Variants in ADAMTS6 observed in about 807,000 individuals in gnomAD.
ADAMTS6 encodes the protein A disintegrin and metalloproteinase with thrombospondin motifs 6.
ADAMTS6 carries 23 observed loss-of-function variants against 144.3 expected under a neutral mutation model. The ratio of observed to expected loss-of-function variants is 0.16; its 90% CI spans 0.11 to 0.23. The LOEUF is 0.23. ADAMTS6 is among the 10% of genes least tolerant of loss of function. The pLI, the probability that ADAMTS6 is intolerant of heterozygous loss-of-function variation, is 1.00. For synonymous variants in ADAMTS6, 444 were observed against 457.5 expected, an observed-to-expected ratio of 0.97 and a Z score of 0.38; for missense variants, 999 against 1,379.6, an observed-to-expected ratio of 0.72 and a Z score of 4.37.
intron 11 of ADAMTS6, among the ~76,000 whole-genome samples, chr5:65,281,896 T>C (rs1042728081): frequency 1.3e-5 from 2 of 152,130 alleles, no homozygotes; most frequent in Non-Finnish European, 2.9e-5. Context: ...CCTTTTCTAA[T>C]GTTTTCATTA....
chr5:65,373,486 G>A (rs1301422082), intron 7 of ADAMTS6, among the ~76,000 whole-genome samples: 24 of 150,582 alleles, frequency 1.6e-4, no homozygotes, highest in East Asian at 1.2e-3. Context: ...ACACCTCTAC[G>A]CAAATAAACT....
intron 8 of ADAMTS6, among the ~76,000 whole-genome samples, chr5:65,332,751 C>T (rs1164440035): frequency 1.3e-5 from 2 of 152,064 alleles, no homozygotes; most frequent in Non-Finnish European, 2.9e-5. Flanking sequence ...TGTTAGTTCC[C>T]AGTTCAGAGT....
chr5:65,481,281 A>G (rs1423439674), intron 1 of ADAMTS6, 62 bp downstream of exon 1: 1 of 151,430 alleles, frequency 6.6e-6, no homozygotes, highest in Non-Finnish European at 1.5e-5. Context: ...GAAGACAAGC[A>G]AAGCACAAGT....
At chr5:65,423,979 C>T (rs1045746487) in intron 7 of ADAMTS6, among the ~76,000 whole-genome samples, 1 of 151,668 alleles carries the variant, frequency 6.6e-6, no homozygotes, top group Non-Finnish European at 1.5e-5. Context: ...TTAAATATCA[C>T]GATTAAAAAA....
chr5:65,291,563 C>T, intron 10 of ADAMTS6, 93 bp from the exon 11 acceptor site: 1 of 1,315,732 alleles, frequency 7.6e-7, no homozygotes, highest in Non-Finnish European at 1.0e-6. Flanking sequence ...GTTTTAATAA[C>T]TTGACGCATG....
At chr5:65,283,969 C>A (rs919969741) in intron 11 of ADAMTS6, among the ~76,000 whole-genome samples, 1 of 152,064 alleles carries the variant, frequency 6.6e-6, no homozygotes, top group African/African-American at 2.4e-5. Context: ...GCTACTCAAA[C>A]TCATTTTCTC....
At chr5:65,346,058 T>A (rs985764067) in intron 7 of ADAMTS6, among the ~76,000 whole-genome samples, 6 of 151,852 alleles carry the variant, frequency 4.0e-5, no homozygotes, top group African/African-American at 1.4e-4. Flanking sequence ...AATTTTGACT[T>A]ATCTAAAAAA....
At chr5:65,458,021 G>T (rs554699332) in intron 4 of ADAMTS6, among the ~76,000 whole-genome samples, 154 of 151,654 alleles carry the variant, frequency 1.0e-3, no homozygotes, top group African/African-American at 3.4e-3. Context: ...CACCGTGCCC[G>T]GCCTGAATCC....
intron 7 of ADAMTS6, among the ~76,000 whole-genome samples, chr5:65,373,870 G>A (rs1467358851): frequency 1.3e-5 from 2 of 152,050 alleles, no homozygotes; most frequent in African/African-American, 2.4e-5. Flanking sequence ...TAAAATACTG[G>A]CAAACCGAAT....
chr5:65,284,300 T>C (rs1580291692), intron 11 of ADAMTS6, among the ~76,000 whole-genome samples: 1 of 152,186 alleles, frequency 6.6e-6, no homozygotes, highest in African/African-American at 2.4e-5. Context: ...GCAGTTACCC[T>C]GACATCAAAG....
chr5:65,242,106 C>T lies in ADAMTS6; in HGVS notation c.1931G>A (p.Gly644Glu), dbSNP rs1457071815. 1 of 1,578,414 alleles carries T rather than the reference C, an allele frequency of 6.3e-7. No individual in the cohort carries two copies. Among genetic ancestry groups the T allele is most frequent in the East Asian group, 2.3e-5 (1 of 44,268 alleles). The change falls in exon 15 of 25, where the codon GGA becomes GAA. Residue 644 changes from glycine to glutamate, a missense_variant and splice_region_variant. Physicochemically the swap from Gly to Glu is moderately conservative, Grantham distance 98. Transcript: ENST00000381055. ...TGCTCTGTCAGGTTATACATTACCT[C>T]CAGTATAGGGTTTCCAGTTATAATA... ...GKYYNWKPYT[G>E]GGVKPCALNC...
intron 4 of ADAMTS6, among the ~76,000 whole-genome samples, chr5:65,458,384 T>C (rs1422763836): frequency 6.6e-6 from 1 of 152,128 alleles, no homozygotes; most frequent in Non-Finnish European, 1.5e-5. Context: ...GGATAATACA[T>C]ATCATACACT....
intron 10 of ADAMTS6, among the ~76,000 whole-genome samples, chr5:65,294,097 G>T (rs187045692): frequency 7.1e-4 from 108 of 152,242 alleles, no homozygotes; most frequent in African/African-American, 2.5e-3. Context: ...GATTTAAATT[G>T]GTTGTACATT....
intron 9 of ADAMTS6, among the ~76,000 whole-genome samples, chr5:65,322,891 C>T (rs1264741943): frequency 3.3e-5 from 5 of 152,066 alleles, no homozygotes; most frequent in African/African-American, 1.2e-4. Context: ...TGCCTGACTG[C>T]CCTGGCCAGA....
intron 7 of ADAMTS6, among the ~76,000 whole-genome samples, chr5:65,441,633 C>T (rs981964138): frequency 5.9e-5 from 9 of 151,794 alleles, no homozygotes; most frequent in East Asian, 1.9e-4. Flanking sequence ...TCTTTTCAAG[C>T]GCACCCACCT....
intron 10 of ADAMTS6, 56 bp from the exon 11 acceptor site, chr5:65,291,526 C>T: frequency 2.0e-6 from 3 of 1,514,212 alleles, no homozygotes; most frequent in Non-Finnish European, 2.7e-6. Flanking sequence ...ATTTTAGTCA[C>T]AATTATGAAA....
At chr5:65,391,426 AC>A (rs1190170759) in intron 7 of ADAMTS6, among the ~76,000 whole-genome samples, 1 of 75,576 alleles carries the variant, frequency 1.3e-5, no homozygotes, top group Non-Finnish European at 3.3e-5. Context: ...CTCTACACAC[AC>A]ACACACACAC....
At chr5:65,333,997 T>TA (rs750637450) in intron 8 of ADAMTS6, 45 bp downstream of exon 8, 69,350 of 832,542 alleles carry the variant, frequency 0.083, 188 homozygotes, top group Non-Finnish European at 0.089. Flanking sequence ...CTACCTTTAT[T>TA]AAAAAAAAAA....
At chr5:65,353,339 G>C (rs922124312) in intron 7 of ADAMTS6, among the ~76,000 whole-genome samples, 2 of 151,974 alleles carry the variant, frequency 1.3e-5, no homozygotes, top group Non-Finnish European at 2.9e-5. Context: ...CAGAAGTTAA[G>C]TAACTTACCC....
Sources: gnomAD v4.1 joint callset for allele counts (sites outside exome capture counted in the v4.1 genomes callset) on GRCh38, gnomAD v4.1.1 for gene constraint, MANE v1.5 for transcripts, NCBI Gene and HGNC (gene_info 2026-07-23, HGNC 2026-07-21) for gene names.